The following CHD4 variants were observed in gnomAD, a reference collection of about 807,000 sequenced individuals.
CHD4 encodes chromodomain helicase DNA binding protein 4, also known as ATP-dependent chromatin remodeler CHD4.
A neutral mutation model predicts 235.5 loss-of-function variants in CHD4; 35 were observed. The observed-to-expected ratio is 0.15, with a 90% CI of 0.11 to 0.20. CHD4 has a LOEUF of 0.20. Ranked by LOEUF, CHD4 falls within the 10% of genes least tolerant of loss-of-function variation. CHD4 has a pLI of 1.00. For missense variants in CHD4, 1,329 were observed against 2,432.3 expected (o/e 0.55, Z 9.54); for synonymous variants, 900 against 850.2 (o/e 1.06, Z -1.02).
At chr12:6,585,419 G>A (rs1010004624) in intron 25 of CHD4, among the ~76,000 whole-genome samples, 1 of 151,750 alleles carries the variant, frequency 6.6e-6, no homozygotes, top group African/African-American at 2.4e-5. Context: ...GAATAGCTGG[G>A]ACTACAGGCG....
At chr12:6,572,837 G>A (rs952119643) in intron 38 of CHD4, 3 of 362,846 alleles carry the variant, frequency 8.3e-6, no homozygotes, top group Non-Finnish European at 1.5e-5. Context: ...TGGGATTAGA[G>A]GCGTGAGCCA....
In CHD4 at chr12:6,592,440, G is replaced by A. The variant is rs2136214353; in HGVS notation, c.2901C>T (p.Pro967=). Residue 967 remains proline (P), a synonymous_variant, in exon 19 of 40, where the codon CCC becomes CCT. Transcript: ENST00000544040. ...RLKADVFKNM[P]SKTELIVRVE... ...CACGCACAATTAGTTCTGTCTTGGA[G>A]GGCATGTTCTTGAACACATCGGCTT... is the stretch of plus-strand genomic sequence containing the variant. 1.2e-6 allele frequency: 2 copies of A among 1,608,236 alleles called. No individual in the cohort carries two copies. The highest frequency in any genetic ancestry group is 1.3e-5 in the African/African-American group (1 of 74,960).
At chr12:6,600,166 C>G in intron 9 of CHD4, 51 bp downstream of exon 9, 4 of 1,602,020 alleles carry the variant, frequency 2.5e-6, no homozygotes, top group Non-Finnish European at 3.4e-6. Flanking sequence ...GCTTTACTGT[C>G]CCACCCTTCT....
chr12:6,576,925 G>A (rs995404374), intron 37 of CHD4, among the ~76,000 whole-genome samples: 1 of 149,774 alleles, frequency 6.7e-6, no homozygotes, highest in Non-Finnish European at 1.5e-5. Context: ...CTCAGCGTAC[G>A]AGACAACAGA....
intron 24 of CHD4, 48 bp from the exon 25 acceptor site, chr12:6,587,607 G>T: frequency 6.2e-7 from 1 of 1,609,380 alleles, no homozygotes; most frequent in Non-Finnish European, 8.5e-7. Context: ...TTCAGCAGCT[G>T]CAGTGGAAAA....
chr12:6,585,726 T>C (rs1179783934), intron 25 of CHD4, among the ~76,000 whole-genome samples: 1 of 148,834 alleles, frequency 6.7e-6, no homozygotes, highest in Admixed American at 6.7e-5. Context: ...GAGGCGGAGG[T>C]TGCAGTGAGC....
chr12:6,599,723 A>T (rs762049705), intron 10 of CHD4, 50 bp downstream of exon 10: 61 of 1,611,444 alleles, frequency 3.8e-5, no homozygotes, highest in Non-Finnish European at 5.2e-5. Flanking sequence ...GCCTACATAG[A>T]AAAGACTACA....
At chr12:6,573,602 G>A (rs1377086917) in intron 37 of CHD4, among the ~76,000 whole-genome samples, 1 of 151,926 alleles carries the variant, frequency 6.6e-6, no homozygotes, top group African/African-American at 2.4e-5. Context: ...TTTCTTTTTA[G>A]GTTTTTTTGT....
Position 6,570,539 on chromosome 12 carries a change from C to T in CHD4, c.*137G>A. ...TCACTCCCTCCCCTCCCCCAGTGCA[C>T]TGGGGCTGTTCCTTTACAACATGGA... On this transcript the variant is annotated 3_prime_UTR_variant, in exon 40 of 40. Coordinates refer to ENST00000544040, the MANE Select transcript of CHD4 (RefSeq NM_001273.5). The T allele has an allele frequency of 1.9e-6, 2 of 1,057,356 alleles. No homozygotes were observed. The highest frequency in any genetic ancestry group is 2.4e-5 in the East Asian group (1 of 40,994). 65.5% of individuals were successfully genotyped at this position (1,057,356 alleles called of 1,614,324 possible). A position where few individuals can be genotyped will look rare whatever the true frequency, so the allele number is the denominator to read the frequency against.
Position 6,578,457 on chromosome 12 carries a change from T to A in CHD4, c.5071A>T (p.Asn1691Tyr). ...TTAAACATGAAACGTTGTTTAATAT[T>A]TTTCTTCTGTTTCTCATCATTCAGG... ...KDLNDEKQKK[N>Y]IKQRFMFNIA... Residue 1691 changes from asparagine to tyrosine, a missense_variant, in exon 35 of 40, where the codon AAT becomes TAT. By Grantham distance (143) the Asn-to-Tyr change is moderately radical (BLOSUM62 -2). This residue lies in a region of CHD4 where 219 missense variants were observed against 219.3 expected (regional missense o/e 1.00). Transcript: ENST00000544040. 1 of 1,614,060 alleles carries A rather than the reference T, an allele frequency of 6.2e-7. No individual in the cohort carries two copies. Among genetic ancestry groups the A allele is most frequent in the South Asian group, 1.1e-5 (1 of 91,050 alleles).
At chr12:6,581,454 C>G (rs1948187337) in intron 31 of CHD4, 66 bp from the exon 32 acceptor site, 1 of 1,559,042 alleles carries the variant, frequency 6.4e-7, no homozygotes, top group Admixed American at 1.7e-5. Flanking sequence ...GTCATTTCTT[C>G]CCAGTTTGTC....
At chr12:6,596,503 AT>A (rs1401775687) in intron 12 of CHD4, among the ~76,000 whole-genome samples, 1 of 150,944 alleles carries the variant, frequency 6.6e-6, no homozygotes, top group African/African-American at 2.4e-5. Flanking sequence ...AAAAAAAAAA[AT>A]TAGCCAGGCA....
At position 6,577,929 on chromosome 12, in the gene CHD4, G is replaced by C; in HGVS notation, c.5229-12C>G. On this transcript the variant is annotated splice_polypyrimidine_tract_variant and intron_variant, in intron 36 of 39. Transcript: ENST00000544040. ...GGGCATAGCCATGGCTATTGGAAAA[G>C]TGCTCAGGAAAAACAAAACAAGGAA... The C allele has an allele frequency of 6.2e-7, 1 of 1,613,806 alleles. No individual in the cohort carries two copies. Among genetic ancestry groups the C allele is most frequent in the Non-Finnish European group, 8.5e-7 (1 of 1,180,030 alleles).
chr12:6,580,542 A>T (rs1318853902), intron 33 of CHD4: 1 of 153,820 alleles, frequency 6.5e-6, no homozygotes, highest in African/African-American at 2.4e-5. Context: ...CCCCCTCTCT[A>T]CTAAAAAATA....
chr12:6,591,268 GAACA>G (rs961395721), intron 22 of CHD4, 194 bp downstream of exon 22: 1 of 519,884 alleles, frequency 1.9e-6, no homozygotes, highest in African/African-American at 2.0e-5. Context: ...CTAGCAGAAA[GAACA>G]AATACCCCAA....
chr12:6,598,607 G>A (rs1385571380), intron 10 of CHD4, among the ~76,000 whole-genome samples, 182 bp from the exon 11 acceptor site: 1 of 152,166 alleles, frequency 6.6e-6, no homozygotes, highest in African/African-American at 2.4e-5. Flanking sequence ...TCAAGAGATC[G>A]AGACCATCCT....
chr12:6,578,279 C>T, intron 35 of CHD4, 130 bp downstream of exon 35: 1 of 1,374,556 alleles, frequency 7.3e-7, no homozygotes, highest in Non-Finnish European at 1.0e-6. Context: ...CTCCACAGAA[C>T]CCACTATCAG....
Position 6,593,234 on chromosome 12 carries a change from C to A in CHD4, c.2515-6G>T. On this transcript the variant is annotated splice_region_variant and splice_polypyrimidine_tract_variant and intron_variant, in intron 16 of 39. Transcript: ENST00000544040. This position sits in a 1 kb window ranked among gnomAD's most constrained non-coding sequence, Gnocchi z 4.9. ...AATTTCACAGATGCCTCTTTCTGCA[C>A]ATGAAGGCAACTTGGTCACTACTAG... is the stretch of plus-strand genomic sequence containing the variant. 2 of 1,613,982 alleles carry A rather than the reference C, an allele frequency of 1.2e-6. No individual in the cohort carries two copies. The highest frequency in any genetic ancestry group is 1.7e-6 in the Non-Finnish European group (2 of 1,180,026).
intron 33 of CHD4, chr12:6,580,727 A>AAAAAAAAAAAAAAAAAAAAAAAAAAAAG (rs1555163920): frequency 4.1e-6 from 1 of 244,466 alleles, no homozygotes; most frequent in Admixed American, 5.7e-5. Flanking sequence ...AAAAAAAAAA[A>AAAAAAAAAAAAAAAAAAAAAAAAAAAAG]GCCAGGCACA....
Sources: gnomAD v4.1 joint callset for allele counts (sites outside exome capture counted in the v4.1 genomes callset) on GRCh38, gnomAD v4.1.1 for gene constraint, gnomAD v4.1.1 regional missense constraint, Gnocchi (gnomAD v3.1) non-coding constraint, MANE v1.5 for transcripts, NCBI Gene and HGNC (gene_info 2026-07-23, HGNC 2026-07-21) for gene names.